YAP1: variants seen among roughly 807,000 people sequenced by gnomAD.
YAP1 encodes Yes1 associated transcriptional regulator.
Under a neutral mutation model 56.9 loss-of-function variants are expected in YAP1, and 5 were observed. The observed-to-expected ratio is 0.09, with a 90% CI of 0.05 to 0.18. The LOEUF (loss-of-function observed/expected upper bound fraction) is 0.18, where lower values mean the gene tolerates loss of function less well. YAP1 is among the 10% of genes least tolerant of loss of function. The pLI is 1.00. For synonymous variants in YAP1, 265 were observed against 248.1 expected, an observed-to-expected ratio of 1.07 and a Z score of -0.64; for missense variants, 539 against 651.8, an observed-to-expected ratio of 0.83 and a Z score of 1.88.
At chr11:102,125,785 C>T (rs965684371) in intron 2 of YAP1, among the ~76,000 whole-genome samples, 24 of 152,100 alleles carry the variant, frequency 1.6e-4, no homozygotes, top group South Asian at 4.2e-4. Flanking sequence ...TAATATCTCC[C>T]TTAGGATATT....
At chr11:102,146,174 C>T (rs903918409) in intron 2 of YAP1, among the ~76,000 whole-genome samples, 11 of 152,072 alleles carry the variant, frequency 7.2e-5, no homozygotes, top group African/African-American at 2.2e-4. Flanking sequence ...CTCATCTCTC[C>T]CTCCCTCTTT....
chr11:102,194,515 G>T (rs986184907), intron 4 of YAP1, among the ~76,000 whole-genome samples: 4 of 152,196 alleles, frequency 2.6e-5, no homozygotes. Flanking sequence ...AAAAGTTTGG[G>T]TGCCAGTTAC....
At chr11:102,117,701 T>C (rs781728306) in intron 2 of YAP1, among the ~76,000 whole-genome samples, 10 of 152,218 alleles carry the variant, frequency 6.6e-5, no homozygotes, top group Non-Finnish European at 1.0e-4. Flanking sequence ...GGTGGAAGTA[T>C]GGTGCTAGTT....
intron 3 of YAP1, among the ~76,000 whole-genome samples, chr11:102,166,837 T>C (rs1475937233): frequency 6.6e-6 from 1 of 152,224 alleles, no homozygotes; most frequent in Non-Finnish European, 1.5e-5. Flanking sequence ...CATGTTCTGC[T>C]CTGAGATCTT....
intron 2 of YAP1, among the ~76,000 whole-genome samples, chr11:102,134,760 G>C (rs1007425696): frequency 5.9e-5 from 9 of 152,050 alleles, no homozygotes; most frequent in Non-Finnish European, 1.3e-4. Context: ...CCAGGTTGGA[G>C]TATAGTGGCC....
chr11:102,123,171 C>T (rs1352545875), intron 2 of YAP1, among the ~76,000 whole-genome samples: 1 of 152,058 alleles, frequency 6.6e-6, no homozygotes, highest in Admixed American at 6.5e-5. Flanking sequence ...CATGTTGTGC[C>T]TACAGCAGAG....
Position 102,229,738 on chromosome 11 carries a change from A to T in YAP1, c.1313A>T (p.Gln438Leu). The part of the protein sequence containing the change: ...TINQSTLPSQ[Q>L]NRFPDYLEAI... ...AACCAAAGCACCCTGCCCTCACAGCAGAACCGTTTCCCAGACTACCTTGAA... is the reference window on the plus strand; with the variant it reads ...AACCAAAGCACCCTGCCCTCACAGCTGAACCGTTTCCCAGACTACCTTGAA... The change falls in exon 9 of 9, where the codon CAG becomes CTG. Residue 438 changes from glutamine to leucine, a missense_variant. This residue lies in a region of YAP1 where 414 missense variants were observed against 512.4 expected (regional missense o/e 0.81). Transcript: ENST00000282441. 6.2e-7 allele frequency: 1 copy of T among 1,614,176 alleles called. No individual in the cohort carries two copies. Among genetic ancestry groups the T allele is most frequent in the Non-Finnish European group, 8.5e-7 (1 of 1,179,996 alleles).
intron 3 of YAP1, among the ~76,000 whole-genome samples, chr11:102,180,510 G>A (rs1229852249): frequency 1.3e-5 from 2 of 150,412 alleles, no homozygotes; most frequent in South Asian, 2.1e-4. Context: ...GTGAAACCCC[G>A]TCTCTACTAA....
At chr11:102,157,322 G>A (rs928362070) in intron 2 of YAP1, among the ~76,000 whole-genome samples, 1 of 152,164 alleles carries the variant, frequency 6.6e-6, no homozygotes, top group Non-Finnish European at 1.5e-5. Flanking sequence ...TGTGGCTCAT[G>A]GAAGGATTAG....
rs116046495 is a variant in YAP1, at chr11:102,219,449, T to C, written c.1033-4173T>C. The stretch of plus-strand genomic sequence containing the variant: ...ACCACGGAGAGTTTCTTCAAAAAGG[T>C]AGTGCCTTCACCAGGTCTTAAATAA... On this transcript the variant is annotated intron_variant, in intron 6 of 8. Coordinates refer to ENST00000282441, the MANE Select transcript of YAP1 (RefSeq NM_001130145.3). Among the ~76,000 whole-genome samples the C allele has an allele frequency of 3.6e-3, 543 of 152,212 alleles. 2 individuals are homozygous for C. Among genetic ancestry groups the C allele is most frequent in the African/African-American group, 0.012 (519 of 41,532 alleles).
At chr11:102,118,386 C>G (rs1275294382) in intron 2 of YAP1, among the ~76,000 whole-genome samples, 3 of 151,770 alleles carry the variant, frequency 2.0e-5, no homozygotes, top group Non-Finnish European at 4.4e-5. Context: ...TGGCATAAAA[C>G]TACCCATATT....
rs1014195745 is a variant in YAP1 at position 102,231,259 on chromosome 11, T to A, written c.*1319T>A. ...ATGTGCATGACAGAAATAAGCTTTA[T>A]AGTGGTTTACCTTCATTTAGCTTTG... On this transcript the variant is annotated 3_prime_UTR_variant, in exon 9 of 9. Coordinates refer to ENST00000282441, the MANE Select transcript of YAP1 (RefSeq NM_001130145.3). 5.9e-5 allele frequency: 9 copies of A among 152,246 alleles called. No homozygotes were observed. Among genetic ancestry groups the A allele is most frequent in the African/African-American group, 2.2e-4 (9 of 41,462 alleles). The allele number at this position is 152,246 out of a possible 1,614,324, so 9.4% of individuals were successfully genotyped here. A position where few individuals can be genotyped will look rare whatever the true frequency, so the allele number is the denominator to read the frequency against.
chr11:102,130,406 T>G (rs1355054781), intron 2 of YAP1, among the ~76,000 whole-genome samples: 1 of 152,062 alleles, frequency 6.6e-6, no homozygotes, highest in Non-Finnish European at 1.5e-5. Context: ...AATGATTGAT[T>G]GATTGATTGA....
chr11:102,200,772 A>C (rs754909982), intron 4 of YAP1, among the ~76,000 whole-genome samples: 5 of 152,190 alleles, frequency 3.3e-5, no homozygotes, highest in Non-Finnish European at 5.9e-5. Context: ...AAAAACAAGC[A>C]AAAAGATGAC....
At chr11:102,154,081 C>T (rs1048785580) in intron 2 of YAP1, among the ~76,000 whole-genome samples, 2 of 152,078 alleles carry the variant, frequency 1.3e-5, no homozygotes, top group African/African-American at 4.8e-5. Context: ...AAAAATCCCC[C>T]TCAAAAAGGT....
In YAP1 at chr11:102,121,414, G is replaced by A. The variant is rs151154366; in HGVS notation, c.572+7020G>A. The stretch of plus-strand genomic sequence containing the variant: ...TGCCACTGCACTTCAGCCCAGCCTG[G>A]GCAATGGGAGTGAGACCTTGTCTCA... On this transcript the variant is annotated intron_variant, in intron 2 of 8. Transcript: ENST00000282441. 4.2e-3 allele frequency among the ~76,000 whole-genome samples: 637 copies of A among 149,926 alleles called. 7 individuals are homozygous for A. The highest frequency in any genetic ancestry group is 0.015 in the African/African-American group (602 of 40,630).
chr11:102,112,089 A>G (rs1298009734), intron 1 of YAP1, among the ~76,000 whole-genome samples: 1 of 152,236 alleles, frequency 6.6e-6, no homozygotes, highest in African/African-American at 2.4e-5. Flanking sequence ...TACGTTGCGC[A>G]GGAACTGAGT....
intron 4 of YAP1, among the ~76,000 whole-genome samples, chr11:102,186,860 TCA>T (rs1947992017): frequency 1.3e-5 from 1 of 75,662 alleles, no homozygotes; most frequent in East Asian, 4.0e-4. Flanking sequence ...TAAACTGTTT[TCA>T]GTTTTTCATT....
chr11:102,144,218 C>T (rs1945188900), intron 2 of YAP1, among the ~76,000 whole-genome samples: 1 of 152,084 alleles, frequency 6.6e-6, no homozygotes, highest in Non-Finnish European at 1.5e-5. Flanking sequence ...ATTATTTATG[C>T]CTATATACAT....
Sources: gnomAD v4.1 joint callset for allele counts (sites outside exome capture counted in the v4.1 genomes callset) on GRCh38, gnomAD v4.1.1 for gene constraint, gnomAD v4.1.1 regional missense constraint, MANE v1.5 for transcripts, NCBI Gene and HGNC (gene_info 2026-07-23, HGNC 2026-07-21) for gene names.